CCDC91: variants seen among roughly 807,000 people sequenced by gnomAD.
CCDC91 encodes the protein coiled-coil domain-containing protein 91.
A neutral mutation model predicts 63.2 loss-of-function variants in CCDC91; 48 were observed. That is an observed-to-expected ratio of 0.76 (90% CI 0.60 to 0.97). The LOEUF (loss-of-function observed/expected upper bound fraction) is 0.97. Ranked by LOEUF, CCDC91 falls within the 50% of genes least tolerant of loss-of-function variation. The probability of loss-of-function intolerance (pLI) is 0.00; values close to 1 mark genes in which losing one functional copy is unlikely to be tolerated. For missense variants in CCDC91, 500 were observed against 494.6 expected, an observed-to-expected ratio of 1.01 and a Z score of -0.10; for synonymous variants, 167 against 165.8, an observed-to-expected ratio of 1.01 and a Z score of -0.06.
intron 12 of CCDC91, among the ~76,000 whole-genome samples, chr12:28,503,719 A>T (rs1938292586): frequency 6.6e-6 from 1 of 152,204 alleles, no homozygotes; most frequent in Non-Finnish European, 1.5e-5. Flanking sequence ...GAATAAGAAA[A>T]TGTGGCACAT....
chr12:28,406,339 A>G (rs934388485), intron 8 of CCDC91, among the ~76,000 whole-genome samples: 1 of 151,936 alleles, frequency 6.6e-6, no homozygotes, highest in Non-Finnish European at 1.5e-5. Flanking sequence ...AAGTCTTTGT[A>G]TGGACTCATG....
intron 1 of CCDC91, among the ~76,000 whole-genome samples, chr12:28,222,865 A>AT (rs1175777935): frequency 6.6e-6 from 1 of 152,150 alleles, no homozygotes; most frequent in Admixed American, 6.6e-5. Flanking sequence ...TCTTTTTAGG[A>AT]TTTATATATG....
intron 8 of CCDC91, among the ~76,000 whole-genome samples, chr12:28,396,820 C>T (rs375939227): frequency 6.6e-6 from 1 of 151,940 alleles, no homozygotes; most frequent in African/African-American, 2.4e-5. Context: ...ACTTAAGACA[C>T]GAAGCATGGT....
At chr12:28,364,950 C>T (rs1270132756) in intron 7 of CCDC91, among the ~76,000 whole-genome samples, 1 of 152,114 alleles carries the variant, frequency 6.6e-6, no homozygotes, top group Non-Finnish European at 1.5e-5. Flanking sequence ...TAATATTTCT[C>T]CTCAGAGTAC....
chr12:28,425,571 T>C (rs1311372843), intron 8 of CCDC91, among the ~76,000 whole-genome samples: 1 of 152,236 alleles, frequency 6.6e-6, no homozygotes, highest in Non-Finnish European at 1.5e-5. Context: ...TCTCAAGTTT[T>C]AGCTTCTCTG....
At position 28,210,092 on chromosome 12, in the gene CCDC91, A is replaced by G. The variant is rs144374818; in HGVS notation, c.-15+19451A>G. Among the ~76,000 whole-genome samples, 869 of 152,306 alleles carry G rather than the reference A, an allele frequency of 5.7e-3. 13 individuals are homozygous for G. The highest frequency in any genetic ancestry group is 0.02 in the African/African-American group (839 of 41,558). ...TTTTACTTTAGGACAATAATTTACC[A>G]TACAAGATCCTTTCTTATATAAAAT... On this transcript the variant is annotated intron_variant, in intron 1 of 12. Coordinates refer to ENST00000536442, the MANE Select transcript of CCDC91 (RefSeq NM_018318.5).
At chr12:28,331,787 G>C (rs1941535399) in intron 6 of CCDC91, among the ~76,000 whole-genome samples, 1 of 152,038 alleles carries the variant, frequency 6.6e-6, no homozygotes, top group African/African-American at 2.4e-5. Flanking sequence ...TTAGGGCTTG[G>C]AAACCAAACA....
chr12:28,354,363 A>T (rs1396088695), intron 6 of CCDC91, among the ~76,000 whole-genome samples: 1 of 152,120 alleles, frequency 6.6e-6, no homozygotes, highest in African/African-American at 2.4e-5. Flanking sequence ...TCTTGTAAGG[A>T]TACCAATAAT....
At position 28,305,777 on chromosome 12, in the gene CCDC91, A is replaced by G; in HGVS notation, c.238A>G (p.Ile80Val). Residue 80 changes from isoleucine (I) to valine (V), a missense_variant, in exon 4 of 13, where the codon ATT becomes GTT. Ile to Val is a conservative substitution (Grantham distance 29, BLOSUM62 3). Coordinates refer to ENST00000536442, the MANE Select transcript of CCDC91 (RefSeq NM_018318.5). ...SPENTHAANS[I>V]VSQTIPKAQI... The stretch of plus-strand genomic sequence containing the variant: ...AGAGAATACACATGCAGCAAATAGC[A>G]TTGTGAGTCAAACTATTCCAAAAGC... 6.2e-7 allele frequency: 1 copy of G among 1,612,946 alleles called. No individual in the cohort carries two copies. The highest frequency in any genetic ancestry group is 8.5e-7 in the Non-Finnish European group (1 of 1,179,280).
At chr12:28,206,242 A>G (rs575414654) in intron 1 of CCDC91, among the ~76,000 whole-genome samples, 50 of 152,244 alleles carry the variant, frequency 3.3e-4, no homozygotes, top group Non-Finnish European at 2.9e-4. Context: ...AAAAAATTCC[A>G]CCTTTTTGGT....
At chr12:28,376,536 G>C (rs185887521) in intron 7 of CCDC91, among the ~76,000 whole-genome samples, 1 of 151,610 alleles carries the variant, frequency 6.6e-6, no homozygotes, top group Admixed American at 6.6e-5. Context: ...AGTAAGAAAA[G>C]AATTCTTTAT....
At chr12:28,531,103 G>A (rs1941693312) in intron 12 of CCDC91, among the ~76,000 whole-genome samples, 1 of 152,134 alleles carries the variant, frequency 6.6e-6, no homozygotes. Context: ...GTTGTTTTAC[G>A]ATTTGGAATG....
chr12:28,259,484 C>G, intron 3 of CCDC91, 42 bp downstream of exon 3: 1 of 1,178,808 alleles, frequency 8.5e-7, no homozygotes, highest in Non-Finnish European at 1.2e-6. Context: ...TTTTTTTTTC[C>G]CATGTAACAT....
chr12:28,473,693 C>A (rs1373854002), intron 11 of CCDC91, among the ~76,000 whole-genome samples: 1 of 152,088 alleles, frequency 6.6e-6, no homozygotes, highest in Non-Finnish European at 1.5e-5. Context: ...TTCAACAAAT[C>A]ATCTGACTCA....
intron 1 of CCDC91, among the ~76,000 whole-genome samples, chr12:28,240,565 C>T (rs1945261837): frequency 6.6e-6 from 1 of 151,810 alleles, no homozygotes; most frequent in Non-Finnish European, 1.5e-5. Context: ...AGTCAAAACA[C>T]ATTTTAAAAG....
intron 8 of CCDC91, among the ~76,000 whole-genome samples, chr12:28,440,888 G>A (rs894280704): frequency 6.6e-6 from 1 of 151,298 alleles, no homozygotes; most frequent in Non-Finnish European, 1.5e-5. Context: ...GTGAAACCCT[G>A]TCTCTACTAA....
intron 11 of CCDC91, among the ~76,000 whole-genome samples, chr12:28,459,911 A>G (rs550685727): frequency 1.3e-5 from 2 of 152,170 alleles, no homozygotes; most frequent in Non-Finnish European, 2.9e-5. Context: ...CCTCCTCAGC[A>G]TCTATTCCTC....
intron 12 of CCDC91, among the ~76,000 whole-genome samples, chr12:28,528,725 A>G (rs1041559836): frequency 1.3e-5 from 2 of 152,028 alleles, no homozygotes; most frequent in African/African-American, 2.4e-5. Context: ...ACTTACCCAG[A>G]GGATGGTTTA....
chr12:28,305,077 A>C (rs1310569283), intron 3 of CCDC91, among the ~76,000 whole-genome samples: 1 of 152,142 alleles, frequency 6.6e-6, no homozygotes, highest in Admixed American at 6.6e-5. Context: ...AGAGACTTTA[A>C]TGCAGATATT....
Sources: gnomAD v4.1 joint callset for allele counts (sites outside exome capture counted in the v4.1 genomes callset) on GRCh38, gnomAD v4.1.1 for gene constraint, MANE v1.5 for transcripts, NCBI Gene and HGNC (gene_info 2026-07-23, HGNC 2026-07-21) for gene names.